PIGK: variants seen among roughly 807,000 people sequenced by gnomAD.
The protein encoded by PIGK is GPI-anchor transamidase.
PIGK carries 42 observed loss-of-function variants against 50.6 expected under a neutral mutation model. The ratio of observed to expected loss-of-function variants is 0.83; its 90% confidence interval spans 0.65 to 1.07. The LOEUF (loss-of-function observed/expected upper bound fraction) is 1.07. Among genes scored for constraint, PIGK ranks in the 50% least tolerant of loss-of-function variants. The probability of loss-of-function intolerance (pLI) is 0.00; values close to 1 mark genes in which losing one functional copy is unlikely to be tolerated. For synonymous variants in PIGK, 151 were observed against 156.0 expected (o/e 0.97, Z 0.24); for missense variants, 448 against 488.7 (o/e 0.92, Z 0.78).
intron 2 of PIGK, 83 bp from the exon 3 acceptor site, chr1:77,206,814 C>G: frequency 2.5e-6 from 2 of 796,572 alleles, no homozygotes; most frequent in Non-Finnish European, 4.3e-6. Flanking sequence ...AAGTAGGATA[C>G]AGAGATCTCT....
At chr1:77,104,631 G>C (rs1653623511) in intron 10 of PIGK, among the ~76,000 whole-genome samples, 1 of 152,160 alleles carries the variant, frequency 6.6e-6, no homozygotes, top group South Asian at 2.1e-4. Flanking sequence ...CAAGTAGGAA[G>C]GGAGAAAAAT....
chr1:77,195,149 T>C (rs1224218105), intron 3 of PIGK: 3 of 1,230,756 alleles, frequency 2.4e-6, no homozygotes, highest in Non-Finnish European at 3.6e-6. Flanking sequence ...ATGAATATCA[T>C]TGCCAATGAG....
intron 3 of PIGK, among the ~76,000 whole-genome samples, chr1:77,191,374 A>G (rs948966509): frequency 1.3e-5 from 2 of 152,214 alleles, no homozygotes; most frequent in East Asian, 1.9e-4. Context: ...TATTTTTCCA[A>G]TAATGATCTG....
rs1398129538 is a variant in PIGK at position 77,219,313 on chromosome 1, G to A, written c.90C>T (p.Ile30=). 2 of 1,613,048 alleles carry A rather than the reference G, an allele frequency of 1.2e-6. No homozygotes were observed. Among genetic ancestry groups the A allele is most frequent in the Non-Finnish European group, 1.7e-6 (2 of 1,179,226 alleles). Residue 30 remains isoleucine, a synonymous_variant, in exon 1 of 11, where the codon ATC becomes ATT. Coordinates refer to ENST00000370812, the MANE Select transcript of PIGK (RefSeq NM_005482.3). Reference sequence around the variant, plus strand: ...GTCAAATGAGCCTGACTCCTACCTCGATATGACTAGCGGCCACGCTGCCGA... The same window carrying A: ...GTCAAATGAGCCTGACTCCTACCTCAATATGACTAGCGGCCACGCTGCCGA... The part of the protein sequence containing the change: ...LSFGSVAASH[I]EDQAEQFFRS...
intron 3 of PIGK, among the ~76,000 whole-genome samples, chr1:77,181,926 G>A (rs759092984): frequency 6.6e-5 from 10 of 152,226 alleles, no homozygotes; most frequent in East Asian, 1.9e-4. Context: ...GAAATTCATC[G>A]TAATAAATCT....
At chr1:77,115,551 A>C (rs369561208) in intron 10 of PIGK, among the ~76,000 whole-genome samples, 103 of 152,266 alleles carry the variant, frequency 6.8e-4, no homozygotes, top group African/African-American at 2.3e-3. Flanking sequence ...TGCACAATGA[A>C]AGAACTGTCC....
At chr1:77,127,803 A>G (rs1187295994) in intron 9 of PIGK, among the ~76,000 whole-genome samples, 2 of 152,220 alleles carry the variant, frequency 1.3e-5, no homozygotes, top group Non-Finnish European at 2.9e-5. Flanking sequence ...GACAGCTCAA[A>G]GAAGCACTTG....
At chr1:77,177,541 T>C (rs931873229) in intron 3 of PIGK, among the ~76,000 whole-genome samples, 1 of 152,236 alleles carries the variant, frequency 6.6e-6, no homozygotes, top group Non-Finnish European at 1.5e-5. Flanking sequence ...TTTTAGTTAA[T>C]CTATAATCTA....
chr1:77,215,038 A>C (rs1260817829), intron 1 of PIGK, among the ~76,000 whole-genome samples: 1 of 152,150 alleles, frequency 6.6e-6, no homozygotes, highest in African/African-American at 2.4e-5. Context: ...TTGAATTGGA[A>C]GAATAAATAC....
chr1:77,189,694 CATATATATATATATATATATATATATAT>C lies in PIGK; in HGVS notation c.239+16918_239+16945del, dbSNP rs71075728. Among the ~76,000 whole-genome samples the C allele has an allele frequency of 7.4e-3, 527 of 71,104 alleles. 11 individuals are homozygous for C. Among genetic ancestry groups the C allele is most frequent in the African/African-American group, 8.5e-3 (156 of 18,390 alleles). The allele number at this position is 71,104 out of a possible 152,430, so 46.6% of individuals were successfully genotyped here. On this transcript the variant is annotated intron_variant, in intron 3 of 10. Coordinates refer to ENST00000370812, the MANE Select transcript of PIGK (RefSeq NM_005482.3). ...TGATTGTGTGAGTTAACAATAAACT[CATATATATATATATATATATATATATAT>C]ATATATATATATATATATATATATA...
chr1:77,157,100 G>A (rs1192942815), intron 8 of PIGK, among the ~76,000 whole-genome samples: 2 of 152,028 alleles, frequency 1.3e-5, no homozygotes, highest in Non-Finnish European at 2.9e-5. Context: ...ATTTTTAAGG[G>A]GCTAACACCA....
intron 3 of PIGK, among the ~76,000 whole-genome samples, chr1:77,196,740 G>C (rs981977571): frequency 1.3e-5 from 2 of 152,044 alleles, no homozygotes; most frequent in African/African-American, 2.4e-5. Flanking sequence ...TGCACAGTTT[G>C]TAAATATTTT....
At chr1:77,168,957 A>G (rs1161135189) in intron 4 of PIGK, among the ~76,000 whole-genome samples, 1 of 152,130 alleles carries the variant, frequency 6.6e-6, no homozygotes, top group East Asian at 1.9e-4. Flanking sequence ...AATATGAAAA[A>G]TACACATTTA....
Position 77,204,679 on chromosome 1 carries a change from C to T in PIGK, c.239+1961G>A, listed in dbSNP as rs536540122. Among the ~76,000 whole-genome samples, 12 of 152,128 alleles carry T rather than the reference C, an allele frequency of 7.9e-5. No homozygotes were observed. The East Asian group carries it at 2.3e-3, about 29-fold the overall frequency. On this transcript the variant is annotated intron_variant, in intron 3 of 10. Coordinates refer to ENST00000370812, the MANE Select transcript of PIGK (RefSeq NM_005482.3). The stretch of plus-strand genomic sequence containing the variant: ...TCTTTCCCTTTATTTCTCAGACCGG[C>T]CGACACTTAGGAAAAATAGAAAAGA...
chr1:77,194,873 C>T (rs1655995118), intron 3 of PIGK: 1 of 432,576 alleles, frequency 2.3e-6, no homozygotes, highest in Admixed American at 2.8e-5. Flanking sequence ...AAGAACAAAA[C>T]CAACCTGATA....
rs964073822 is a variant in PIGK at position 77,212,698 on chromosome 1, TAA to T, written c.94-2211_94-2210del. 3.8e-4 allele frequency among the ~76,000 whole-genome samples: 58 copies of T among 152,002 alleles called. 1 individual carries two copies. The highest frequency in any genetic ancestry group is 1.3e-3 in the African/African-American group (55 of 41,466). On this transcript the variant is annotated intron_variant, in intron 1 of 10. Coordinates refer to ENST00000370812, the MANE Select transcript of PIGK (RefSeq NM_005482.3). ...ATAAAAGACTTTAAATCAAAAACTA[TAA>T]AAAAGAGACAAAGGTCACTATACAA... is the stretch of plus-strand genomic sequence containing the variant.
chr1:77,174,068 T>A (rs1159416026), intron 3 of PIGK, among the ~76,000 whole-genome samples: 1 of 152,232 alleles, frequency 6.6e-6, no homozygotes, highest in African/African-American at 2.4e-5. Flanking sequence ...GCTAAGGCCT[T>A]GCCTTTTTAC....
Position 77,092,479 on chromosome 1 carries a change from C to G in PIGK, c.1083G>C (p.Leu361=). ...VAQIIHQKPK[L]KDWHPPGGFI... ...AGCCCCCAGGAGGATGCCAGTCTTT[C>G]AGCTTCGGTTTCTGCAAAACAAGAA... is the stretch of plus-strand genomic sequence containing the variant. The change falls in exon 11 of 11, where the codon CTG becomes CTC. Residue 361 remains leucine (L), a synonymous_variant. Coordinates refer to ENST00000370812, the MANE Select transcript of PIGK (RefSeq NM_005482.3). 2 of 1,569,628 alleles carry G rather than the reference C, an allele frequency of 1.3e-6. No individual in the cohort carries two copies. The highest frequency in any genetic ancestry group is 1.7e-6 in the Non-Finnish European group (2 of 1,147,866).
chr1:77,162,253 C>A (rs2100556182), intron 6 of PIGK, among the ~76,000 whole-genome samples: 1 of 152,146 alleles, frequency 6.6e-6, no homozygotes, highest in Non-Finnish European at 1.5e-5. Flanking sequence ...TGAATGAACA[C>A]TGAGAAAGGA....
Sources: gnomAD v4.1 joint callset for allele counts (sites outside exome capture counted in the v4.1 genomes callset) on GRCh38, gnomAD v4.1.1 for gene constraint, MANE v1.5 for transcripts, NCBI Gene and HGNC (gene_info 2026-07-23, HGNC 2026-07-21) for gene names.